Variants in RBFOX1 observed in about 807,000 individuals in gnomAD.
RBFOX1 encodes RNA binding protein fox-1 homolog 1.
A neutral mutation model predicts 57.7 loss-of-function variants in RBFOX1; 8 were observed. The observed-to-expected ratio is 0.14, with a 90% CI of 0.08 to 0.25. RBFOX1 has a LOEUF of 0.25. RBFOX1 is among the 10% of genes least tolerant of loss of function. The pLI is 1.00. For synonymous variants in RBFOX1, 326 were observed against 222.4 expected (o/e 1.47, Z -4.15); for missense variants, 611 against 548.5 (o/e 1.11, Z -1.14).
At chr16:5,977,344 C>T (rs1481181950) in intron 4 of RBFOX1, among the ~76,000 whole-genome samples, 1 of 152,168 alleles carries the variant, frequency 6.6e-6, no homozygotes, top group Non-Finnish European at 1.5e-5. Flanking sequence ...GCCCGTCATG[C>T]AGAGTCTCTC....
intron 1 of RBFOX1, among the ~76,000 whole-genome samples, chr16:5,258,348 G>C (rs1165049521): frequency 6.6e-6 from 1 of 152,058 alleles, no homozygotes; most frequent in African/African-American, 2.4e-5. Flanking sequence ...GTTTACAGTA[G>C]TTATGTAATT....
At position 6,499,132 on chromosome 16, in the gene RBFOX1, G is replaced by A. The variant is rs146333096; in HGVS notation, c.-63-155471G>A. Among the ~76,000 whole-genome samples the A allele has an allele frequency of 1.8e-3, 270 of 152,294 alleles. 2 individuals are homozygous for A. The Middle Eastern group carries it at 0.048, about 27-fold the overall frequency. ...GGAAAAAGAAATTATCAGCCAGGCA[G>A]CCTTTGTTTACTGTGGAAGCTGGAT... On this transcript the variant is annotated intron_variant, in intron 2 of 15. Coordinates refer to ENST00000550418, the MANE Select transcript of RBFOX1 (RefSeq NM_018723.4).
intron 2 of RBFOX1, among the ~76,000 whole-genome samples, chr16:6,448,156 C>CTTTTTTTTTTTTTTTTTTTTTTTTTTG (rs397969435): frequency 1.3e-5 from 1 of 78,462 alleles, no homozygotes; most frequent in Non-Finnish European, 2.2e-5. Flanking sequence ...TCTTTTCTTT[C>CTTTTTTTTTTTTTTTTTTTTTTTTTTG]TTTTTTTTTT....
At chr16:5,984,814 G>A (rs951667750) in intron 4 of RBFOX1, among the ~76,000 whole-genome samples, 16 of 151,684 alleles carry the variant, frequency 1.1e-4, no homozygotes, top group East Asian at 1.9e-4. Context: ...CTTATATGGC[G>A]TTTTTCTGTA....
chr16:7,661,140 C>T lies in RBFOX1; in HGVS notation c.891-3789C>T, dbSNP rs551736892. On this transcript the variant is annotated intron_variant, in intron 12 of 15. Coordinates refer to ENST00000550418, the MANE Select transcript of RBFOX1 (RefSeq NM_018723.4). ...CAATGTTTTGGTAAAATTGGCTTCC[C>T]ATTACATGGCTTTATTTCACACTGC... Among the ~76,000 whole-genome samples the T allele has an allele frequency of 1.2e-4, 18 of 152,254 alleles. No individual in the cohort carries two copies. In the South Asian group the frequency reaches 3.7e-3, roughly 32 times the overall value.
intron 10 of RBFOX1, among the ~76,000 whole-genome samples, chr16:7,608,300 A>G (rs2056750945): frequency 6.6e-6 from 1 of 152,202 alleles, no homozygotes; most frequent in Admixed American, 6.5e-5. Context: ...GTAGATGAGA[A>G]AGGAACACAG....
At position 7,631,387 on chromosome 16, in the gene RBFOX1, G is replaced by A. The variant is rs143636304; in HGVS notation, c.757+704G>A. ...GAAGAACCGAAGATTTCTCTGCCTC[G>A]GATGGATGCTCTGGGTTCAAGGATG... is the stretch of plus-strand genomic sequence containing the variant. On this transcript the variant is annotated intron_variant, in intron 11 of 15. Transcript: ENST00000550418. Among the ~76,000 whole-genome samples the A allele has an allele frequency of 3.1e-3, 469 of 152,252 alleles. 3 individuals are homozygous for A. Among genetic ancestry groups the A allele is most frequent in the African/African-American group, 0.011 (438 of 41,548 alleles).
chr16:6,949,968 A>G (rs1416754176), intron 3 of RBFOX1, among the ~76,000 whole-genome samples: 1 of 147,800 alleles, frequency 6.8e-6, no homozygotes, highest in Admixed American at 6.8e-5. Flanking sequence ...GTTTTTTGGT[A>G]CAGAGTCTTG....
At chr16:5,407,511 T>G (rs1038365117) in intron 1 of RBFOX1, among the ~76,000 whole-genome samples, 2 of 152,092 alleles carry the variant, frequency 1.3e-5, no homozygotes, top group Non-Finnish European at 2.9e-5. Context: ...TGAGAGGTAC[T>G]GGCAGCACTG....
At chr16:6,310,797 A>G (rs1599487538) in intron 1 of RBFOX1, among the ~76,000 whole-genome samples, 2 of 152,120 alleles carry the variant, frequency 1.3e-5, no homozygotes, top group African/African-American at 2.4e-5. Context: ...TAGAGATGCT[A>G]ACTGGATTCT....
chr16:7,677,383 G>C (rs1048119967), intron 14 of RBFOX1, among the ~76,000 whole-genome samples: 4 of 152,128 alleles, frequency 2.6e-5, no homozygotes, highest in African/African-American at 7.2e-5. Flanking sequence ...ATTCTTTCTA[G>C]CAATGCCCAG....
At chr16:5,717,964 C>G (rs1243106418) in intron 3 of RBFOX1, among the ~76,000 whole-genome samples, 1 of 152,110 alleles carries the variant, frequency 6.6e-6, no homozygotes, top group Non-Finnish European at 1.5e-5. Context: ...CAGTTCTTCA[C>G]TCTTCTGGAC....
intron 3 of RBFOX1, among the ~76,000 whole-genome samples, chr16:5,837,952 A>G (rs764602139): frequency 1.3e-5 from 2 of 152,144 alleles, no homozygotes; most frequent in Non-Finnish European, 2.9e-5. Context: ...TGCTTCGGAA[A>G]GAGGCAACAC....
chr16:6,486,916 C>G (rs930363409), intron 2 of RBFOX1, among the ~76,000 whole-genome samples: 11 of 152,064 alleles, frequency 7.2e-5, no homozygotes, highest in African/African-American at 2.7e-4. Context: ...GAATAGCAGT[C>G]TCAAGGATTT....
intron 3 of RBFOX1, among the ~76,000 whole-genome samples, chr16:7,017,782 G>A (rs923338415): frequency 6.6e-6 from 1 of 152,108 alleles, no homozygotes; most frequent in Non-Finnish European, 1.5e-5. Flanking sequence ...ATCACCCTCT[G>A]GGAAAAGAAC....
At chr16:7,233,250 C>G (rs1039657619) in intron 4 of RBFOX1, among the ~76,000 whole-genome samples, 7 of 149,076 alleles carry the variant, frequency 4.7e-5, no homozygotes, top group South Asian at 2.1e-4. Flanking sequence ...ATCCCATTGA[C>G]TTTGACTGTT....
chr16:6,434,826 G>A (rs1327389079), intron 2 of RBFOX1, among the ~76,000 whole-genome samples: 1 of 152,130 alleles, frequency 6.6e-6, no homozygotes, highest in South Asian at 2.1e-4. Flanking sequence ...CTCTTCCAAT[G>A]ATTTGTACCT....
chr16:5,551,238 C>G (rs2045452059), intron 2 of RBFOX1, among the ~76,000 whole-genome samples: 1 of 152,184 alleles, frequency 6.6e-6, no homozygotes, highest in South Asian at 2.1e-4. Context: ...CCCATCCTCC[C>G]AGGCTGAATT....
chr16:5,581,463 C>T (rs1382521431), intron 2 of RBFOX1, among the ~76,000 whole-genome samples: 1 of 152,156 alleles, frequency 6.6e-6, no homozygotes, highest in Non-Finnish European at 1.5e-5. Flanking sequence ...GTACACGAGT[C>T]AGTGGTGGAG....
Sources: gnomAD v4.1 joint callset for allele counts (sites outside exome capture counted in the v4.1 genomes callset) on GRCh38, gnomAD v4.1.1 for gene constraint, MANE v1.5 for transcripts, NCBI Gene and HGNC (gene_info 2026-07-23, HGNC 2026-07-21) for gene names.